Variants in NCAM2 observed in about 807,000 individuals in gnomAD.
NCAM2 encodes the protein neural cell adhesion molecule 2.
Under a neutral mutation model 98.1 loss-of-function variants are expected in NCAM2, and 30 were observed. That is an observed-to-expected ratio of 0.31 (90% CI 0.23 to 0.41). The LOEUF (loss-of-function observed/expected upper bound fraction) is 0.41. Among genes scored for constraint, NCAM2 ranks in the 10% least tolerant of loss-of-function variants. NCAM2 has a pLI of 1.00. For synonymous variants in NCAM2, 368 were observed against 342.4 expected, an observed-to-expected ratio of 1.07 and a Z score of -0.83; for missense variants, 867 against 1,005.8, an observed-to-expected ratio of 0.86 and a Z score of 1.87.
At chr21:21,256,928 T>G (rs772792709) in intron 1 of NCAM2, among the ~76,000 whole-genome samples, 22 of 152,162 alleles carry the variant, frequency 1.4e-4, no homozygotes, top group Non-Finnish European at 1.0e-4. Flanking sequence ...CTTCTGATCT[T>G]TGCAAAGATT....
intron 8 of NCAM2, among the ~76,000 whole-genome samples, chr21:21,339,446 TACAA>T (rs1215731427): frequency 6.6e-6 from 1 of 151,916 alleles, no homozygotes; most frequent in Admixed American, 6.6e-5. Context: ...GAACTTCAAA[TACAA>T]ACAAAAGAGA....
chr21:21,173,519 G>A (rs1569107519), intron 1 of NCAM2, among the ~76,000 whole-genome samples: 1 of 152,164 alleles, frequency 6.6e-6, no homozygotes, highest in Non-Finnish European at 1.5e-5. Context: ...GAAAGACAGA[G>A]TAGTGAATGA....
intron 1 of NCAM2, among the ~76,000 whole-genome samples, chr21:21,264,601 C>T (rs990767708): frequency 4.6e-5 from 7 of 151,150 alleles, no homozygotes; most frequent in Admixed American, 1.3e-4. Flanking sequence ...ACCTAAGTGT[C>T]AATCAATGTT....
At chr21:21,388,341 A>G (rs2076312783) in intron 9 of NCAM2, among the ~76,000 whole-genome samples, 1 of 152,204 alleles carries the variant, frequency 6.6e-6, no homozygotes, top group Non-Finnish European at 1.5e-5. Flanking sequence ...AATTTTAGGT[A>G]GATAAAGAAA....
chr21:21,208,691 A>G (rs1469516506), intron 1 of NCAM2, among the ~76,000 whole-genome samples: 3 of 152,154 alleles, frequency 2.0e-5, no homozygotes, highest in Non-Finnish European at 4.4e-5. Flanking sequence ...ACCTTAAGAA[A>G]AAAAAAATCT....
chr21:21,202,362 T>C (rs2069257739), intron 1 of NCAM2, among the ~76,000 whole-genome samples: 1 of 150,620 alleles, frequency 6.6e-6, no homozygotes, highest in Non-Finnish European at 1.5e-5. Flanking sequence ...AGAATACTTA[T>C]CATTAAAGTA....
chr21:21,468,208 A>T (rs1198643329), intron 13 of NCAM2, among the ~76,000 whole-genome samples: 1 of 151,996 alleles, frequency 6.6e-6, no homozygotes, highest in East Asian at 1.9e-4. Flanking sequence ...ATTAAAGCAC[A>T]TTTACTAATT....
intron 10 of NCAM2, among the ~76,000 whole-genome samples, chr21:21,415,627 G>A (rs565482237): frequency 1.8e-4 from 27 of 152,198 alleles, no homozygotes; most frequent in African/African-American, 6.0e-4. Flanking sequence ...GAGCCACCTC[G>A]CCCGGCCCTT....
intron 11 of NCAM2, among the ~76,000 whole-genome samples, chr21:21,425,963 T>C (rs1324193840): frequency 6.6e-6 from 1 of 152,164 alleles, no homozygotes; most frequent in Admixed American, 6.6e-5. Flanking sequence ...AAATTCAAGA[T>C]CAAGGCACCA....
intron 1 of NCAM2, among the ~76,000 whole-genome samples, chr21:21,046,834 A>G (rs2065014481): frequency 6.6e-6 from 1 of 152,172 alleles, no homozygotes; most frequent in South Asian, 2.1e-4. Flanking sequence ...CTGCTTGACA[A>G]AATAGTATGA....
At chr21:21,237,935 A>G (rs996759252) in intron 1 of NCAM2, among the ~76,000 whole-genome samples, 29 of 141,144 alleles carry the variant, frequency 2.1e-4, no homozygotes, top group Middle Eastern at 4.3e-3. Flanking sequence ...AATTTTGTCC[A>G]GGGCATTGTA....
intron 11 of NCAM2, among the ~76,000 whole-genome samples, chr21:21,431,123 T>TTGTGTG (rs3037969): frequency 7.1e-5 from 10 of 141,238 alleles, no homozygotes; most frequent in African/African-American, 1.1e-4. Context: ...TAATATATGT[T>TTGTGTG]TGTGTGTGTG....
chr21:21,465,860 T>C (rs1313058681), intron 12 of NCAM2, among the ~76,000 whole-genome samples: 1 of 152,008 alleles, frequency 6.6e-6, no homozygotes, highest in African/African-American at 2.4e-5. Flanking sequence ...TCAGATGAAT[T>C]TTTGAAGATG....
intron 1 of NCAM2, among the ~76,000 whole-genome samples, chr21:21,153,114 A>G (rs146381536): frequency 6.6e-6 from 1 of 151,082 alleles, no homozygotes; most frequent in African/African-American, 2.4e-5. Context: ...AGTTGTTTAG[A>G]TGAAAGGGAT....
chr21:21,479,313 G>A (rs1006239920), intron 15 of NCAM2, among the ~76,000 whole-genome samples: 1 of 151,948 alleles, frequency 6.6e-6, no homozygotes, highest in Non-Finnish European at 1.5e-5. Flanking sequence ...GCCGGGCGCG[G>A]TGGCTCACAC....
At chr21:21,061,496 A>G (rs186699352) in intron 1 of NCAM2, among the ~76,000 whole-genome samples, 49 of 152,312 alleles carry the variant, frequency 3.2e-4, no homozygotes, top group African/African-American at 1.1e-3. Context: ...GATAGAACTT[A>G]CCACATAAAA....
chr21:21,157,187 G>A (rs1012667329), intron 1 of NCAM2, among the ~76,000 whole-genome samples: 1 of 152,060 alleles, frequency 6.6e-6, no homozygotes, highest in African/African-American at 2.4e-5. Context: ...TCATTGTTGG[G>A]TTAATAGAAA....
At chr21:21,461,490 C>CTGTG (rs555074504) in intron 12 of NCAM2, among the ~76,000 whole-genome samples, 262 of 151,876 alleles carry the variant, frequency 1.7e-3, no homozygotes, top group African/African-American at 6.0e-3. Context: ...ATGTGCTGAA[C>CTGTG]TGTGATCTTA....
At chr21:21,394,977 T>C (rs1165284081) in intron 9 of NCAM2, among the ~76,000 whole-genome samples, 1 of 152,208 alleles carries the variant, frequency 6.6e-6, no homozygotes, top group Non-Finnish European at 1.5e-5. Flanking sequence ...TAGCTACTTA[T>C]ATTCAGGTGC....
Sources: allele counts gnomAD v4.1 joint callset (sites outside exome capture counted in the v4.1 genomes callset), GRCh38; gene constraint gnomAD v4.1.1; transcripts MANE v1.5; gene names NCBI Gene and HGNC (gene_info 2026-07-23, HGNC 2026-07-21).